The following IRGM variants were observed in gnomAD, a reference collection of about 807,000 sequenced individuals.
IRGM encodes the protein immunity-related GTPase family M protein.
For missense variants in IRGM, 288 were observed against 219.9 expected, an observed-to-expected ratio of 1.31 and a Z score of -1.96; for synonymous variants, 98 against 80.6, an observed-to-expected ratio of 1.22 and a Z score of -1.16.
At chr5:150,873,503 AC>A (rs368371271) in intron 1 of IRGM, among the ~76,000 whole-genome samples, 38 of 152,334 alleles carry the variant, frequency 2.5e-4, no homozygotes, top group African/African-American at 9.1e-4. Flanking sequence ...AAATGATCAG[AC>A]ATTTTGAGGA....
intron 3 of IRGM, among the ~76,000 whole-genome samples, chr5:150,890,761 T>A (rs1387818761): frequency 1.3e-5 from 2 of 152,232 alleles, no homozygotes; most frequent in South Asian, 4.1e-4. Flanking sequence ...ATTTGGTATT[T>A]TCCACATATT....
intron 1 of IRGM, among the ~76,000 whole-genome samples, chr5:150,877,402 C>T (rs1754380287): frequency 6.6e-6 from 1 of 152,136 alleles, no homozygotes; most frequent in Non-Finnish European, 1.5e-5. Flanking sequence ...ACATCTTTCC[C>T]TCATGCTGAA....
chr5:150,872,928 G>A (rs1754305963), intron 1 of IRGM, among the ~76,000 whole-genome samples: 2 of 152,178 alleles, frequency 1.3e-5, no homozygotes, highest in Non-Finnish European at 2.9e-5. Context: ...GATTCGTGAG[G>A]GCAGCATCTG....
At chr5:150,899,400 T>G (rs780596744) in intron 3 of IRGM, among the ~76,000 whole-genome samples, 25 of 152,020 alleles carry the variant, frequency 1.6e-4, no homozygotes, top group East Asian at 1.9e-4. Context: ...AGAAATGCCC[T>G]TTGTAAGTAC....
rs115789820 is a variant in IRGM at position 150,889,546 on chromosome 5, T to C, written c.*140+9900T>C. ...TATCAACTAGCATATCATCTGCAAA[T>C]AGAGTTTTACTTCTTTTTTTCCAAA... On this transcript the variant is annotated intron_variant and NMD_transcript_variant, in intron 3 of 3. Transcript: ENST00000520549. Among the ~76,000 whole-genome samples, 1,108 of 152,150 alleles carry C rather than the reference T, an allele frequency of 7.3e-3. 13 individuals are homozygous for C. Among genetic ancestry groups the C allele is most frequent in the African/African-American group, 0.022 (923 of 41,518 alleles).
chr5:150,848,355 T>G lies in IRGM; in HGVS notation c.232T>G (p.Tyr78Asp). ...LVKATQRCAS[Y>D]FSSHFSNVVL... ...AAAAGCTACCCAAAGATGTGCCTCCTATTTCTCTTCCCACTTTTCAAATGT... is the reference window on the plus strand; with the variant it reads ...AAAAGCTACCCAAAGATGTGCCTCCGATTTCTCTTCCCACTTTTCAAATGT... The change falls in exon 2 of 2, where the codon TAT becomes GAT. Residue 78 changes from tyrosine to aspartate, a missense_variant. Transcript: ENST00000522154. 1 of 1,551,876 alleles carries G rather than the reference T, an allele frequency of 6.4e-7. No individual in the cohort carries two copies. The highest frequency in any genetic ancestry group is 8.7e-7 in the Non-Finnish European group (1 of 1,146,984).
rs1249976416 is a variant in IRGM, at chr5:150,848,311, C to G, written c.188C>G (p.Ser63Ter). 3 of 1,551,852 alleles carry G rather than the reference C, an allele frequency of 1.9e-6. No individual in the cohort carries two copies. The highest frequency in any genetic ancestry group is 2.0e-5 in the Admixed American group (1 of 51,010). ...LRNTGHEGKASPPTELVKATQ... is the reference protein window; with the variant it reads ...LRNTGHEGKA ...AACACAGGACATGAGGGTAAGGCCT[C>G]ACCTCCTACTGAGCTGGTAAAAGCT... is the stretch of plus-strand genomic sequence containing the variant. Residue 63 changes from serine to a stop codon, truncating the protein, a stop_gained, in exon 2 of 2, where the codon TCA (serine) becomes TGA (stop). Transcript: ENST00000522154. LOFTEE classifies it low-confidence loss of function (END_TRUNC).
chr5:150,898,202 C>T (rs1754866375), intron 3 of IRGM: 2 of 1,612,000 alleles, frequency 1.2e-6, no homozygotes, highest in East Asian at 4.5e-5. Flanking sequence ...ACAGAAATCA[C>T]AGAGAATTGA....
intron 1 of IRGM, among the ~76,000 whole-genome samples, chr5:150,866,149 G>A (rs1261602805): frequency 1.3e-5 from 2 of 152,136 alleles, no homozygotes; most frequent in Non-Finnish European, 2.9e-5. Context: ...GAGTTTCCAC[G>A]GTTTTGTGAG....
At position 150,857,937 on chromosome 5, in the gene IRGM, C is replaced by T. The variant is rs1754081665; in HGVS notation, c.158+9283C>T. On this transcript the variant is annotated intron_variant and NMD_transcript_variant, in intron 1 of 3. Coordinates refer to the IRGM transcript ENST00000520549. ...AGAAGCTCTTTAGTTTAATTAGATC[C>T]CATTTGTCAATTTTGGCTTTTGTTG... is the stretch of plus-strand genomic sequence containing the variant. Among the ~76,000 whole-genome samples, 3 of 151,642 alleles carry T rather than the reference C, an allele frequency of 2.0e-5. No individual in the cohort carries two copies. In the South Asian group the frequency reaches 6.2e-4, roughly 32 times the overall value.
rs60800371 is a variant in IRGM at position 150,847,809 on chromosome 5, T to TTTTGTTTG, written c.-311_-304dup. The TTTTGTTTG allele has an allele frequency of 0.029, 7,950 of 276,690 alleles. 599 individuals carry two copies. The highest frequency in any genetic ancestry group is 0.16 in the African/African-American group (7,352 of 45,226). The allele number at this position is 276,690 out of a possible 1,614,324, so 17.1% of individuals were successfully genotyped here. ...TTTTTGCCACACCATAAGCATTGGGTTTTGTTTGTTTTGAGATGGAGTCTT... is the reference window on the plus strand; with the variant it reads ...TTTTTGCCACACCATAAGCATTGGGTTTTGTTTGTTTGTTTGTTTTGAGATGGAGTCTT... On this transcript the variant is annotated 5_prime_UTR_variant, in exon 2 of 2. It introduces an in-frame stop codon into an upstream open reading frame of the 5' UTR. Coordinates refer to ENST00000522154, the MANE Select transcript of IRGM (RefSeq NM_001145805.2).
rs1754929763 is a variant in IRGM, at chr5:150,899,806, G to GA, written c.*141-782dup. 2.6e-5 allele frequency among the ~76,000 whole-genome samples: 4 copies of GA among 152,110 alleles called. No individual in the cohort carries two copies. The South Asian group carries it at 8.3e-4, about 32-fold the overall frequency. ...TAATAGCAGAAACTAATCTAATAGT[G>GA]ATCTGTATTATTTTAAATAAATTGT... is the stretch of plus-strand genomic sequence containing the variant. On this transcript the variant is annotated intron_variant and NMD_transcript_variant, in intron 3 of 3. Coordinates refer to the IRGM transcript ENST00000520549.
chr5:150,857,541 A>G (rs1441561667), intron 1 of IRGM, among the ~76,000 whole-genome samples: 1 of 151,846 alleles, frequency 6.6e-6, no homozygotes, highest in Non-Finnish European at 1.5e-5. Flanking sequence ...TTACAGTCCC[A>G]CCAACAGTGT....
chr5:150,901,949 T>C (rs1457336294), downstream of IRGM, among the ~76,000 whole-genome samples: 1 of 152,040 alleles, frequency 6.6e-6, no homozygotes. Context: ...AACCTTCTTT[T>C]TCCAAAAGAA....
chr5:150,895,774 C>A (rs1242004223), intron 3 of IRGM: 19 of 1,613,502 alleles, frequency 1.2e-5, no homozygotes, highest in Non-Finnish European at 1.6e-5. Context: ...GGTTTTTCTC[C>A]AGTATGTGTT....
intron 1 of IRGM, among the ~76,000 whole-genome samples, chr5:150,872,701 T>G (rs1754302938): frequency 6.6e-6 from 1 of 152,120 alleles, no homozygotes; most frequent in Admixed American, 6.6e-5. Flanking sequence ...TTAAAAAGGT[T>G]CTAATTGTTG....
chr5:150,886,115 C>T (rs1055340378), intron 3 of IRGM, among the ~76,000 whole-genome samples: 1 of 151,942 alleles, frequency 6.6e-6, no homozygotes, highest in Non-Finnish European at 1.5e-5. Context: ...AAGATGAAAG[C>T]ATGTTGAATT....
intron 3 of IRGM, chr5:150,894,264 T>C (rs1754672158): frequency 6.6e-6 from 1 of 151,436 alleles, no homozygotes; most frequent in Admixed American, 6.6e-5. Context: ...GGTGTTATCT[T>C]AGAGGCCTCC....
intron 3 of IRGM, among the ~76,000 whole-genome samples, chr5:150,884,934 T>C (rs1407985465): frequency 2.0e-5 from 3 of 152,162 alleles, no homozygotes; most frequent in Admixed American, 6.6e-5. Context: ...ATCCCATTTG[T>C]CAACTGTCAC....
Sources: allele counts gnomAD v4.1 joint callset (sites outside exome capture counted in the v4.1 genomes callset), GRCh38; gene constraint gnomAD v4.1.1; transcripts MANE v1.5; gene names NCBI Gene and HGNC (gene_info 2026-07-23, HGNC 2026-07-21).